Variants in ZNF417 observed in about 807,000 individuals in gnomAD.
ZNF417 encodes the protein zinc finger protein 417.
ZNF417 carries 5 observed loss-of-function variants against 7.4 expected under a neutral mutation model. That is an observed-to-expected ratio of 0.68 (90% CI 0.35 to 1.43). ZNF417 has a LOEUF of 1.43. ZNF417 is among the 40% of genes most tolerant of loss of function. ZNF417 has a pLI of 0.04. For missense variants in ZNF417, 437 were observed against 697.3 expected (o/e 0.63, Z 4.20); for synonymous variants, 147 against 239.1 (o/e 0.61, Z 3.55).
intron 1 of ZNF417, among the ~76,000 whole-genome samples, chr19:57,915,915 C>A (rs974854467): frequency 1.3e-5 from 2 of 152,156 alleles, no homozygotes; most frequent in South Asian, 2.1e-4. Context: ...TGACAACACA[C>A]AGACCGGTAA....
chr19:57,915,180 T>C (rs1600150524), intron 1 of ZNF417, among the ~76,000 whole-genome samples: 2 of 152,194 alleles, frequency 1.3e-5, no homozygotes, highest in African/African-American at 2.4e-5. Context: ...CTACCACCTA[T>C]GTGAGCTACA....
At chr19:57,911,022 G>A (rs895114069) in intron 2 of ZNF417, among the ~76,000 whole-genome samples, 1 of 152,184 alleles carries the variant, frequency 6.6e-6, no homozygotes, top group Non-Finnish European at 1.5e-5. Flanking sequence ...TCCAGCTTGG[G>A]CAACAAGAGC....
In ZNF417 at chr19:57,916,589, T is replaced by C. The variant is rs187291961; in HGVS notation, c.-178A>G. The C allele has an allele frequency of 1.2e-3, 1,817 of 1,460,568 alleles. No homozygotes were observed. Among genetic ancestry groups the C allele is most frequent in the Non-Finnish European group, 1.5e-3 (1,712 of 1,109,820 alleles). 90.5% of individuals were successfully genotyped at this position (1,460,568 alleles called of 1,614,324 possible). On this transcript the variant is annotated 5_prime_UTR_variant, in exon 1 of 3. Coordinates refer to ENST00000312026, the MANE Select transcript of ZNF417 (RefSeq NM_152475.3). Reference sequence around the variant, plus strand: ...ACCCGCGTCACCGATACACAGCCGCTACTAGAGACCCCGGAAGTCTCAGCC... The same window carrying C: ...ACCCGCGTCACCGATACACAGCCGCCACTAGAGACCCCGGAAGTCTCAGCC...
intron 1 of ZNF417, 113 bp downstream of exon 1, chr19:57,916,264 AGT>A: frequency 6.3e-7 from 1 of 1,590,262 alleles, no homozygotes; most frequent in South Asian, 1.1e-5. Flanking sequence ...CGAGCGCCTC[AGT>A]GTTCCTACGC....
Position 57,908,304 on chromosome 19 carries a change from T to G in ZNF417, c.*246A>C, listed in dbSNP as rs529733009. 3 of 606,252 alleles carry G rather than the reference T, an allele frequency of 4.9e-6. No homozygotes were observed. Among genetic ancestry groups the G allele is most frequent in the South Asian group, 2.0e-5 (1 of 49,144 alleles). 37.6% of individuals were successfully genotyped at this position (606,252 alleles called of 1,614,324 possible). ...TCGTAATCTCAGCTCCTTGGGAGGC[T>G]GAGGTAGGAGAATCACTTGAACCTG... On this transcript the variant is annotated 3_prime_UTR_variant, in exon 3 of 3. Transcript: ENST00000312026.
chr19:57,908,829 C>A lies in ZNF417; in HGVS notation c.1449G>T (p.Gln483His), dbSNP rs569269552. The part of the protein sequence containing the change: ...FGNKNCVTIH[Q>H]RIHTGERPYE... Reference sequence around the variant, plus strand: ...ACGGCCTTTCTCCAGTGTGAATCCTCTGATGTATAGTCACGCAGTTCTTAT... The same window carrying A: ...ACGGCCTTTCTCCAGTGTGAATCCTATGATGTATAGTCACGCAGTTCTTAT... The change falls in exon 3 of 3, where the codon CAG becomes CAT. Residue 483 changes from glutamine (Q) to histidine (H), a missense_variant. Coordinates refer to ENST00000312026, the MANE Select transcript of ZNF417 (RefSeq NM_152475.3). 6.1e-5 allele frequency: 99 copies of A among 1,613,914 alleles called. No individual in the cohort carries two copies. In the East Asian group the frequency reaches 2.2e-3, roughly 35 times the overall value.
intron 1 of ZNF417, among the ~76,000 whole-genome samples, chr19:57,914,199 C>T (rs1326535369): frequency 1.3e-5 from 2 of 152,030 alleles, no homozygotes; most frequent in East Asian, 1.9e-4. Context: ...GAAAACCTAG[C>T]TGTCTGTCAG....
rs370405550 is a variant in ZNF417, at chr19:57,908,602, C to T, written c.1676G>A (p.Arg559Gln). 3.7e-5 allele frequency: 59 copies of T among 1,613,734 alleles called. No homozygotes were observed. Among genetic ancestry groups the T allele is most frequent in the Admixed American group, 5.0e-5 (3 of 59,994 alleles). ...ECTKCGKTFQ[R>Q]SSTLLHHQSS... ...CTGATGATGAAGGAGGGTAGAGCTT[C>T]GCTGAAATGTTTTTCCACATTTGGT... Residue 559 changes from arginine (R) to glutamine (Q), a missense_variant, in exon 3 of 3, where the codon CGA becomes CAA. By Grantham distance (43) the Arg-to-Gln change is conservative (BLOSUM62 1). Transcript: ENST00000312026.
At position 57,909,312 on chromosome 19, in the gene ZNF417, C is replaced by T. The variant is rs146206648; in HGVS notation, c.966G>A (p.Arg322=). Residue 322 remains arginine (R), a synonymous_variant, in exon 3 of 3, where the codon AGG becomes AGA. Transcript: ENST00000312026. ...TCCCATATTCTCTACACTCATAAGGCCTTTCTCCAGTGTGAACACGCTGAT... is the reference window on the plus strand; with the variant it reads ...TCCCATATTCTCTACACTCATAAGGTCTTTCTCCAGTGTGAACACGCTGAT... ...ISHQRVHTGE[R]PYECREYGKS... 5.6e-6 allele frequency: 9 copies of T among 1,614,030 alleles called. No homozygotes were observed. The South Asian group carries it at 8.8e-5, about 16-fold the overall frequency.
In ZNF417 at chr19:57,916,521, C is replaced by G. The variant is rs1239520385; in HGVS notation, c.-110G>C. On this transcript the variant is annotated 5_prime_UTR_variant, in exon 1 of 3. Transcript: ENST00000312026. The stretch of plus-strand genomic sequence containing the variant: ...CTCTCCACCTTCTAGGTTCAGTCAC[C>G]GCGGTCCCCCCCCAGCACTCAGGGG... 115 of 1,583,708 alleles carry G rather than the reference C, an allele frequency of 7.3e-5. No homozygotes were observed. The highest frequency in any genetic ancestry group is 9.7e-5 in the Non-Finnish European group (113 of 1,165,522).
intron 1 of ZNF417, among the ~76,000 whole-genome samples, chr19:57,912,914 C>T (rs900353305): frequency 3.3e-5 from 5 of 151,930 alleles, no homozygotes; most frequent in Admixed American, 6.6e-5. Context: ...ACCCAGCCCC[C>T]ACAAATAAAA....
Position 57,907,388 on chromosome 19 carries a change from A to G in ZNF417, c.*1162T>C, listed in dbSNP as rs1230067788. The G allele has an allele frequency of 1.3e-5, 2 of 154,618 alleles. No individual in the cohort carries two copies. The highest frequency in any genetic ancestry group is 6.5e-5 in the Admixed American group (1 of 15,290). The allele number at this position is 154,618 out of a possible 1,614,324, so 9.6% of individuals were successfully genotyped here. A position where few individuals can be genotyped will look rare whatever the true frequency, so the allele number is the denominator to read the frequency against. On this transcript the variant is annotated 3_prime_UTR_variant, in exon 3 of 3. Transcript: ENST00000312026. ...CCACTCAATAACTTTGATTCAAACTATCTTCATGTTCTTCACTTCACAAGA... is the reference window on the plus strand; with the variant it reads ...CCACTCAATAACTTTGATTCAAACTGTCTTCATGTTCTTCACTTCACAAGA...
In ZNF417 at chr19:57,909,335, G is replaced by A. The variant is rs149864071; in HGVS notation, c.943C>T (p.Gln315Ter). Residue 315 changes from glutamine to a stop codon, truncating the protein, a stop_gained, in exon 3 of 3, where the codon CAG becomes TAG. Transcript: ENST00000312026. LOFTEE classifies it low-confidence loss of function (END_TRUNC). Reference sequence around the variant, plus strand: ...GGCCTTTCTCCAGTGTGAACACGCTGATGGCTAATAAGGCTGCCCTTCTGA... The same window carrying A: ...GGCCTTTCTCCAGTGTGAACACGCTAATGGCTAATAAGGCTGCCCTTCTGA... Reference protein sequence around the residue: ...FSQKGSLISHQRVHTGERPYE... With the variant: ...FSQKGSLISH 1,373 of 1,614,074 alleles carry A rather than the reference G, an allele frequency of 8.5e-4. 11 individuals are homozygous for A. The African/African-American group carries it at 0.016, about 19-fold the overall frequency.
intron 1 of ZNF417, among the ~76,000 whole-genome samples, chr19:57,914,323 T>TTTTTAGTAG (rs2071925295): frequency 6.6e-6 from 1 of 151,428 alleles, no homozygotes; most frequent in Admixed American, 6.6e-5. Context: ...CCGTTTCTAC[T>TTTTTAGTAG]AAAAATACAA....
Position 57,912,154 on chromosome 19 carries a change from G to C in ZNF417, c.69C>G (p.Asn23Lys), listed in dbSNP as rs759725624. The C allele has an allele frequency of 1.2e-6, 2 of 1,612,718 alleles. No individual in the cohort carries two copies. The highest frequency in any genetic ancestry group is 1.7e-6 in the Non-Finnish European group (2 of 1,179,590). The change falls in exon 2 of 3, where the codon AAC becomes AAG. Residue 23 changes from asparagine (N) to lysine (K), a missense_variant. Asn to Lys is a moderately conservative substitution (Grantham distance 94). Coordinates refer to ENST00000312026, the MANE Select transcript of ZNF417 (RefSeq NM_152475.3). ...GAAGACACCACTCCTCCTGGGAAAA[G>C]TTCACAGCCACATCTTCAAAGGTCA... ...GTVTFEDVAV[N>K]FSQEEWCLLS... is the part of the protein sequence containing the mutation.
chr19:57,910,157 C>T (rs750799404), intron 2 of ZNF417, 43 bp from the exon 3 acceptor site: 39 of 1,583,842 alleles, frequency 2.5e-5, no homozygotes, highest in South Asian at 1.2e-4. Flanking sequence ...GTACCTCTGA[C>T]GGGAAGGCAC....
At position 57,906,523 on chromosome 19, in the gene ZNF417, G is replaced by T. The variant is rs529569870; in HGVS notation, c.*2027C>A. Among the ~76,000 whole-genome samples, 1 of 152,006 alleles carries T rather than the reference G, an allele frequency of 6.6e-6. No individual in the cohort carries two copies. The highest frequency in any genetic ancestry group is 1.5e-5 in the Non-Finnish European group (1 of 68,004). ...GATGCCTGTAATCCCAGCACTTTAG[G>T]AGGCTGAGGGGGGTGGATCATGAGG... On this transcript the variant is annotated 3_prime_UTR_variant, in exon 3 of 3. Transcript: ENST00000312026.
chr19:57,913,588 T>G (rs2071918489), intron 1 of ZNF417, among the ~76,000 whole-genome samples: 1 of 152,210 alleles, frequency 6.6e-6, no homozygotes. Context: ...AAAACGTTTA[T>G]GAATCCAGAC....
chr19:57,912,553 A>C (rs530676257), intron 1 of ZNF417, among the ~76,000 whole-genome samples: 2 of 152,120 alleles, frequency 1.3e-5, no homozygotes, highest in South Asian at 4.2e-4. Context: ...GGCCACCCCT[A>C]CCTGAGTTTT....
Sources: allele counts gnomAD v4.1 joint callset (sites outside exome capture counted in the v4.1 genomes callset), GRCh38; gene constraint gnomAD v4.1.1; transcripts MANE v1.5; gene names NCBI Gene and HGNC (gene_info 2026-07-23, HGNC 2026-07-21).